KCNQ3: variants seen among roughly 807,000 people sequenced by gnomAD.
KCNQ3 encodes the protein potassium voltage-gated channel subfamily Q member 3, also known as potassium voltage-gated channel subfamily KQT member 3.
KCNQ3 carries 30 observed loss-of-function variants against 92.5 expected under a neutral mutation model. The observed-to-expected ratio is 0.32, with a 90% CI of 0.24 to 0.44. KCNQ3 has a LOEUF of 0.44. Ranked by LOEUF, KCNQ3 falls within the 20% of genes least tolerant of loss-of-function variation. KCNQ3 has a pLI of 1.00. For synonymous variants in KCNQ3, 450 were observed against 468.8 expected (o/e 0.96, Z 0.52); for missense variants, 913 against 1,140.3 (o/e 0.80, Z 2.87).
At chr8:132,206,593 GAAGTTTGTCC>G (rs1196276176) in intron 1 of KCNQ3, among the ~76,000 whole-genome samples, 1 of 152,112 alleles carries the variant, frequency 6.6e-6, no homozygotes, top group Non-Finnish European at 1.5e-5. Flanking sequence ...AGCATATCTA[GAAGTTTGTCC>G]ATTTCTTCTA....
At chr8:132,417,867 T>C (rs1228141988) in intron 1 of KCNQ3, among the ~76,000 whole-genome samples, 1 of 152,170 alleles carries the variant, frequency 6.6e-6, no homozygotes, top group Admixed American at 6.5e-5. Context: ...AAAAACGTTC[T>C]CTTTCTGTTG....
intron 1 of KCNQ3, among the ~76,000 whole-genome samples, chr8:132,424,865 A>G (rs901181256): frequency 6.6e-6 from 1 of 152,220 alleles, no homozygotes; most frequent in Non-Finnish European, 1.5e-5. Context: ...GGACAAGGAC[A>G]CTGTCACTGT....
chr8:132,470,449 T>C (rs1321031556), intron 1 of KCNQ3, among the ~76,000 whole-genome samples: 1 of 152,270 alleles, frequency 6.6e-6, no homozygotes. Context: ...TTTGGGTGTG[T>C]GTATTGTGTG....
intron 1 of KCNQ3, among the ~76,000 whole-genome samples, chr8:132,474,828 G>A (rs1332935007): frequency 6.6e-6 from 1 of 152,016 alleles, no homozygotes; most frequent in Non-Finnish European, 1.5e-5. Context: ...GGGGAAGCTG[G>A]GCCAAGGTGA....
At chr8:132,364,694 C>CGGATGGATGGATGGATGGAT (rs10691178) in intron 1 of KCNQ3, among the ~76,000 whole-genome samples, 5 of 138,040 alleles carry the variant, frequency 3.6e-5, no homozygotes, top group Non-Finnish European at 8.1e-5. Flanking sequence ...GACGGACGGA[C>CGGATGGATGGATGGATGGAT]GGATGGATGG....
chr8:132,439,294 A>C lies in KCNQ3; in HGVS notation c.386+40853T>G, dbSNP rs1821473434. On this transcript the variant is annotated intron_variant, in intron 1 of 14. Transcript: ENST00000388996. Reference sequence around the variant, plus strand: ...TTTTGAAGTCTACTGCACAATTATAAATCTAAGTTTCAGTGCCCATTTTAA... The same window carrying C: ...TTTTGAAGTCTACTGCACAATTATACATCTAAGTTTCAGTGCCCATTTTAA... Among the ~76,000 whole-genome samples, 5 of 151,756 alleles carry C rather than the reference A, an allele frequency of 3.3e-5. No homozygotes were observed. The South Asian group carries it at 1.0e-3, about 32-fold the overall frequency.
chr8:132,208,540 A>G (rs1278959129), intron 1 of KCNQ3, among the ~76,000 whole-genome samples: 2 of 151,982 alleles, frequency 1.3e-5, no homozygotes. Flanking sequence ...ATGAGGCACA[A>G]TATTAATCTA....
At chr8:132,276,644 G>T (rs887099205) in intron 1 of KCNQ3, among the ~76,000 whole-genome samples, 2 of 152,094 alleles carry the variant, frequency 1.3e-5, no homozygotes, top group African/African-American at 4.8e-5. Flanking sequence ...ATCCTACTCT[G>T]TTCTGCGGCT....
intron 1 of KCNQ3, among the ~76,000 whole-genome samples, chr8:132,364,222 A>C (rs1360674317): frequency 6.6e-6 from 1 of 152,230 alleles, no homozygotes; most frequent in Non-Finnish European, 1.5e-5. Flanking sequence ...GGATGTGGTT[A>C]GCATTGTGAA....
At position 132,180,142 on chromosome 8, in the gene KCNQ3, C is replaced by T; in HGVS notation, c.777+15G>A. ...GGAAGCCCATGTGGTCCTGCAGTTT[C>T]TCCACCACACTTACTTTGCTGTGGG... On this transcript the variant is annotated intron_variant, in intron 4 of 14. Coordinates refer to ENST00000388996, the MANE Select transcript of KCNQ3 (RefSeq NM_004519.4). 6.2e-7 allele frequency: 1 copy of T among 1,613,956 alleles called. No individual in the cohort carries two copies. The highest frequency in any genetic ancestry group is 8.5e-7 in the Non-Finnish European group (1 of 1,179,962).
In KCNQ3 at chr8:132,335,829, CCT is replaced by C. The variant is rs544290885; in HGVS notation, c.386+144316_386+144317del. On this transcript the variant is annotated intron_variant, in intron 1 of 14. Coordinates refer to ENST00000388996, the MANE Select transcript of KCNQ3 (RefSeq NM_004519.4). The stretch of plus-strand genomic sequence containing the variant: ...TCTACTTCCTCCTTGTTCTGTGTCA[CCT>C]CTTTTTGTAGGTTCCTTTTTCCTCC... 4.1e-3 allele frequency among the ~76,000 whole-genome samples: 623 copies of C among 152,188 alleles called. 3 individuals are homozygous for C. Among genetic ancestry groups the C allele is most frequent in the African/African-American group, 0.014 (589 of 41,502 alleles).
At chr8:132,317,171 T>C (rs776090292) in intron 1 of KCNQ3, among the ~76,000 whole-genome samples, 51 of 152,196 alleles carry the variant, frequency 3.4e-4, no homozygotes, top group Admixed American at 5.9e-4. Flanking sequence ...CTCTGACCTA[T>C]TGTAACTGTT....
At chr8:132,148,531 T>G (rs2130956609) in intron 9 of KCNQ3, among the ~76,000 whole-genome samples, 2 of 152,362 alleles carry the variant, frequency 1.3e-5, no homozygotes, top group Middle Eastern at 3.4e-3. Context: ...TGATGGTTAA[T>G]TTTATGTGTC....
At chr8:132,453,204 G>A (rs1055094432) in intron 1 of KCNQ3, among the ~76,000 whole-genome samples, 2 of 152,180 alleles carry the variant, frequency 1.3e-5, no homozygotes, top group African/African-American at 4.8e-5. Context: ...GGGAAGAGAG[G>A]TGGGCAAGGG....
intron 1 of KCNQ3, among the ~76,000 whole-genome samples, chr8:132,393,504 G>T (rs1400328999): frequency 6.6e-6 from 1 of 152,180 alleles, no homozygotes; most frequent in Non-Finnish European, 1.5e-5. Flanking sequence ...TACAAAAACA[G>T]GTGGTGAGTC....
chr8:132,152,887 T>C (rs1236716688), intron 9 of KCNQ3, among the ~76,000 whole-genome samples: 1 of 152,224 alleles, frequency 6.6e-6, no homozygotes, highest in Non-Finnish European at 1.5e-5. Context: ...TATGTAGACA[T>C]AATTATTCTA....
intron 1 of KCNQ3, among the ~76,000 whole-genome samples, chr8:132,280,137 C>G (rs1816467897): frequency 6.6e-6 from 1 of 152,102 alleles, no homozygotes; most frequent in African/African-American, 2.4e-5. Flanking sequence ...GAACAATAAG[C>G]AAATACTCAA....
intron 1 of KCNQ3, among the ~76,000 whole-genome samples, chr8:132,349,566 G>A (rs907338671): frequency 3.9e-5 from 6 of 152,232 alleles, no homozygotes; most frequent in Admixed American, 1.3e-4. Flanking sequence ...TGTGATGCAA[G>A]AAGGGGCTTG....
intron 1 of KCNQ3, among the ~76,000 whole-genome samples, chr8:132,211,533 G>C (rs940415670): frequency 6.6e-6 from 1 of 152,154 alleles, no homozygotes; most frequent in Admixed American, 6.5e-5. Flanking sequence ...CACTTTTTCA[G>C]ATAACCTTTT....
Sources: gnomAD v4.1 joint callset for allele counts (sites outside exome capture counted in the v4.1 genomes callset) on GRCh38, gnomAD v4.1.1 for gene constraint, MANE v1.5 for transcripts, NCBI Gene and HGNC (gene_info 2026-07-23, HGNC 2026-07-21) for gene names.